The following TRAF5 variants were observed in gnomAD, a reference collection of about 807,000 sequenced individuals.
TRAF5 encodes TNF receptor-associated factor 5.
A neutral mutation model predicts 64.5 loss-of-function variants in TRAF5; 48 were observed. The observed-to-expected ratio is 0.74, with a 90% CI of 0.59 to 0.95. The LOEUF (loss-of-function observed/expected upper bound fraction) is 0.95. Among genes scored for constraint, TRAF5 ranks in the 40% least tolerant of loss-of-function variants. TRAF5 has a pLI of 0.00. For synonymous variants in TRAF5, 206 were observed against 240.5 expected (o/e 0.86, Z 1.33); for missense variants, 545 against 662.8 (o/e 0.82, Z 1.95).
intron 5 of TRAF5, 177 bp downstream of exon 5, chr1:211,360,253 G>T (rs1703131732): frequency 3.2e-6 from 2 of 630,984 alleles, no homozygotes; most frequent in South Asian, 2.0e-5. Context: ...CCTTCTTGTT[G>T]GTAGCACTCC....
At chr1:211,336,455 G>T (rs903328210) in intron 1 of TRAF5, among the ~76,000 whole-genome samples, 1 of 152,202 alleles carries the variant, frequency 6.6e-6, no homozygotes. Context: ...CCTACCCCAG[G>T]TCAGCCATCA....
intron 6 of TRAF5, 117 bp downstream of exon 6, chr1:211,360,896 G>T: frequency 9.8e-7 from 1 of 1,021,558 alleles, no homozygotes. Flanking sequence ...TTACACGCAT[G>T]ACCATGACGT....
chr1:211,371,363 A>C lies in TRAF5; in HGVS notation c.992A>C (p.Gln331Pro). 6.2e-7 allele frequency: 1 copy of C among 1,611,446 alleles called. No homozygotes were observed. Among genetic ancestry groups the C allele is most frequent in the East Asian group, 2.2e-5 (1 of 44,694 alleles). The change falls in exon 10 of 11, where the codon CAA (glutamine) becomes CCA (proline). Residue 331 changes from glutamine (Q) to proline (P), a missense_variant. By Grantham distance (76) the Gln-to-Pro change is moderately conservative. Transcript: ENST00000261464. Reference protein sequence around the residue: ...WLEAQVHQLLQMVNQQQNKFD... With the variant: ...WLEAQVHQLLPMVNQQQNKFD... ...GAAGCTCAAGTGCATCAATTATTAC[A>C]AATGGTTAACCAGCAACAAAATAAA...
chr1:211,330,123 T>A (rs1702118731), intron 1 of TRAF5, among the ~76,000 whole-genome samples: 1 of 152,180 alleles, frequency 6.6e-6, no homozygotes, highest in South Asian at 2.1e-4. Flanking sequence ...TGGAGGCAGG[T>A]GGTGGTGCAT....
chr1:211,360,970 C>A, intron 6 of TRAF5, 118 bp from the exon 7 acceptor site: 1 of 1,100,164 alleles, frequency 9.1e-7, no homozygotes, highest in Non-Finnish European at 1.4e-6. Flanking sequence ...TCTTTCTTGC[C>A]AGGCCTCTCT....
Position 211,372,673 on chromosome 1 carries a change from G to T in TRAF5, c.1645G>T (p.Val549Leu). ...KDDTLFLKVA[V>L]DLTDLEDL ...TGACACTCTGTTCTTGAAAGTGGCCGTGGACTTAACTGACCTGGAGGATCT... is the reference window on the plus strand; with the variant it reads ...TGACACTCTGTTCTTGAAAGTGGCCTTGGACTTAACTGACCTGGAGGATCT... Residue 549 changes from valine (V) to leucine (L), a missense_variant, in exon 11 of 11, where the codon GTG becomes TTG. Transcript: ENST00000261464. 3 of 1,614,158 alleles carry T rather than the reference G, an allele frequency of 1.9e-6. No individual in the cohort carries two copies. The highest frequency in any genetic ancestry group is 2.5e-6 in the Non-Finnish European group (3 of 1,179,996).
Position 211,372,121 on chromosome 1 carries a change from T to C in TRAF5, c.1100-7T>C, listed in dbSNP as rs1169993693. ...GAATCTTTTTTTTTTTTTTTTCTTA[T>C]TTGCAGCCGTTTTAGAAGAGGAAAC... On this transcript the variant is annotated splice_region_variant and splice_polypyrimidine_tract_variant and intron_variant, in intron 10 of 10. Transcript: ENST00000261464. 1 of 1,532,086 alleles carries C rather than the reference T, an allele frequency of 6.5e-7. No individual in the cohort carries two copies. The highest frequency in any genetic ancestry group is 1.4e-5 in the African/African-American group (1 of 71,088). 94.9% of individuals were successfully genotyped at this position (1,532,086 alleles called of 1,614,324 possible). A position where few individuals can be genotyped will look rare whatever the true frequency, so the allele number is the denominator to read the frequency against.
At position 211,361,163 on chromosome 1, in the gene TRAF5, GT is replaced by G; in HGVS notation, c.696+2del. 1 of 1,613,980 alleles carries G rather than the reference GT, an allele frequency of 6.2e-7. No individual in the cohort carries two copies. The highest frequency in any genetic ancestry group is 8.5e-7 in the Non-Finnish European group (1 of 1,179,900). On this transcript the variant is annotated splice_donor_variant, in intron 7 of 10. Transcript: ENST00000261464. LOFTEE classifies it high-confidence loss of function. ...TAAGCACTATGGCTGTGCTGTAACG[GT>G]ATGGAATGACTTTTTGTTTCTGCCT...
intron 4 of TRAF5, chr1:211,358,598 C>T (rs1006282494): frequency 6.6e-6 from 1 of 151,022 alleles, no homozygotes; most frequent in African/African-American, 2.4e-5. Context: ...CCCAGCTAAT[C>T]TGGAGGCTGA....
intron 1 of TRAF5, among the ~76,000 whole-genome samples, chr1:211,327,233 G>A (rs1421283831): frequency 2.0e-5 from 3 of 152,160 alleles, no homozygotes; most frequent in Admixed American, 1.3e-4. Context: ...GTGGACCGGA[G>A]GGGCCAGGTT....
chr1:211,342,447 G>A (rs971816782), intron 1 of TRAF5, among the ~76,000 whole-genome samples: 1 of 151,984 alleles, frequency 6.6e-6, no homozygotes, highest in Non-Finnish European at 1.5e-5. Flanking sequence ...AGGGTAAATG[G>A]GGTATCCATT....
At chr1:211,358,789 T>C (rs1487716056) in intron 4 of TRAF5, 1 of 136,050 alleles carries the variant, frequency 7.4e-6, no homozygotes, top group Non-Finnish European at 1.5e-5. Flanking sequence ...TAATATTAAA[T>C]AATATTAAAT....
At chr1:211,370,249 T>C (rs1177903973) in intron 9 of TRAF5, among the ~76,000 whole-genome samples, 1 of 152,166 alleles carries the variant, frequency 6.6e-6, no homozygotes, top group Non-Finnish European at 1.5e-5. Context: ...AATGTCTTTA[T>C]CATGATTATA....
intron 1 of TRAF5, among the ~76,000 whole-genome samples, chr1:211,351,228 G>A (rs530241904): frequency 9.2e-5 from 14 of 151,822 alleles, no homozygotes; most frequent in African/African-American, 2.4e-4. Flanking sequence ...GGGTTTCACC[G>A]CGTTAGCCAG....
chr1:211,341,022 G>T (rs899409858), intron 1 of TRAF5, among the ~76,000 whole-genome samples: 1 of 152,222 alleles, frequency 6.6e-6, no homozygotes, highest in Non-Finnish European at 1.5e-5. Flanking sequence ...TGTAAGCAAG[G>T]AGGATGGTCA....
intron 1 of TRAF5, among the ~76,000 whole-genome samples, chr1:211,338,728 G>A (rs569692056): frequency 8.0e-4 from 121 of 152,194 alleles, no homozygotes; most frequent in African/African-American, 2.8e-3. Flanking sequence ...GGGTTCAAGC[G>A]ATTCTCCTGC....
At chr1:211,332,402 G>A (rs984308750) in intron 1 of TRAF5, among the ~76,000 whole-genome samples, 8 of 152,164 alleles carry the variant, frequency 5.3e-5, no homozygotes, top group Non-Finnish European at 8.8e-5. Flanking sequence ...GTACTAAGGC[G>A]TATGGCTTAG....
chr1:211,334,590 G>A (rs1038117159), intron 1 of TRAF5, among the ~76,000 whole-genome samples: 1 of 152,108 alleles, frequency 6.6e-6, no homozygotes, highest in Non-Finnish European at 1.5e-5. Flanking sequence ...CCCAGGAGGC[G>A]GAGGTTGCAG....
At position 211,372,117 on chromosome 1, in the gene TRAF5, C is replaced by CT; in HGVS notation, c.1100-9dup. On this transcript the variant is annotated splice_polypyrimidine_tract_variant and intron_variant, in intron 10 of 10. Transcript: ENST00000261464. ...TATGGAATCTTTTTTTTTTTTTTTTCTTATTTGCAGCCGTTTTAGAAGAGG... is the reference window on the plus strand; with the variant it reads ...TATGGAATCTTTTTTTTTTTTTTTTCTTTATTTGCAGCCGTTTTAGAAGAGG... 1 of 1,065,150 alleles carries CT rather than the reference C, an allele frequency of 9.4e-7. No individual in the cohort carries two copies. Among genetic ancestry groups the CT allele is most frequent in the Non-Finnish European group, 1.2e-6 (1 of 837,650 alleles). The allele number at this position is 1,065,150 out of a possible 1,614,324, so 66.0% of individuals were successfully genotyped here.
Sources: allele counts gnomAD v4.1 joint callset (sites outside exome capture counted in the v4.1 genomes callset), GRCh38; gene constraint gnomAD v4.1.1; transcripts MANE v1.5; gene names NCBI Gene and HGNC (gene_info 2026-07-23, HGNC 2026-07-21).